DNAH14: variants seen among roughly 807,000 people sequenced by gnomAD.
The protein encoded by DNAH14 is dynein axonemal heavy chain 14.
A neutral mutation model predicts 520.9 loss-of-function variants in DNAH14; 478 were observed. The ratio of observed to expected loss-of-function variants is 0.92; its 90% CI spans 0.85 to 0.99. The LOEUF is 0.99. Ranked by LOEUF, DNAH14 falls within the 50% of genes least tolerant of loss-of-function variation. The probability of loss-of-function intolerance (pLI) is 0.00; values close to 1 mark genes in which losing one functional copy is unlikely to be tolerated. For missense variants in DNAH14, 4,831 were observed against 5,234.5 expected (o/e 0.92, Z 2.38); for synonymous variants, 1,581 against 1,757.2 (o/e 0.90, Z 2.51).
intron 8 of DNAH14, among the ~76,000 whole-genome samples, chr1:224,975,393 A>G (rs1011093792): frequency 6.6e-6 from 1 of 151,884 alleles, no homozygotes; most frequent in Non-Finnish European, 1.5e-5. Context: ...GATTATTGCC[A>G]CAATTTCAGA....
intron 10 of DNAH14, among the ~76,000 whole-genome samples, chr1:225,011,433 G>A (rs1318426362): frequency 6.6e-6 from 1 of 152,002 alleles, no homozygotes; most frequent in Non-Finnish European, 1.5e-5. Context: ...GTGGAGTGTT[G>A]TGTAGATGTC....
chr1:225,200,607 T>C (rs979535203), intron 38 of DNAH14, among the ~76,000 whole-genome samples: 1 of 152,150 alleles, frequency 6.6e-6, no homozygotes, highest in African/African-American at 2.4e-5. Context: ...CTGTCCTTCA[T>C]TTATGAAGCT....
chr1:225,347,991 G>C (rs549095028), intron 71 of DNAH14, among the ~76,000 whole-genome samples: 2 of 152,080 alleles, frequency 1.3e-5, no homozygotes, highest in African/African-American at 4.8e-5. Flanking sequence ...GTTAAATGAT[G>C]CATGAACAAA....
rs1161717419 is a variant in DNAH14, at chr1:225,318,531, T to C, written c.9241-52T>C. ...AAGTTCAGCATACAAAAATTTTAAATATGCAACTATATTGATTCATATGTG... is the reference window on the plus strand; with the variant it reads ...AAGTTCAGCATACAAAAATTTTAAACATGCAACTATATTGATTCATATGTG... On this transcript the variant is annotated intron_variant, in intron 60 of 85. Coordinates refer to ENST00000682510, the MANE Select transcript of DNAH14 (RefSeq NM_001367479.1). 2.1e-6 allele frequency: 3 copies of C among 1,446,464 alleles called. No individual in the cohort carries two copies. In the East Asian group the frequency reaches 7.5e-5, roughly 36 times the overall value. 89.6% of individuals were successfully genotyped at this position (1,446,464 alleles called of 1,614,324 possible). A position where few individuals can be genotyped will look rare whatever the true frequency, so the allele number is the denominator to read the frequency against.
chr1:225,159,281 G>A (rs567681713), intron 34 of DNAH14, 33 bp from the exon 35 acceptor site: 1 of 1,529,992 alleles, frequency 6.5e-7, no homozygotes, highest in African/African-American at 1.4e-5. Flanking sequence ...TCCCTAATTT[G>A]TTCTCTGTGT....
At chr1:225,157,986 G>A (rs1404106313) in intron 34 of DNAH14, among the ~76,000 whole-genome samples, 1 of 152,138 alleles carries the variant, frequency 6.6e-6, no homozygotes, top group East Asian at 1.9e-4. Context: ...GCAGTTTAAG[G>A]TGACTATATA....
At chr1:225,067,723 T>C (rs906630807) in intron 17 of DNAH14, among the ~76,000 whole-genome samples, 1 of 152,136 alleles carries the variant, frequency 6.6e-6, no homozygotes. Flanking sequence ...ATCAGTGATG[T>C]TGAGCTTTTT....
intron 17 of DNAH14, among the ~76,000 whole-genome samples, chr1:225,078,897 T>TCC (rs1403935266): frequency 1.3e-4 from 17 of 135,992 alleles, no homozygotes; most frequent in African/African-American, 4.5e-4. Flanking sequence ...TCTCTCTCTC[T>TCC]CCCCGCTTTT....
chr1:225,043,903 C>G lies in DNAH14; in HGVS notation c.1832C>G (p.Thr611Arg). ...YMYYEFPEFP[T>R]NLFIDPNRLE... ...TCTGTTAGATTTCCAGAATTTCCTA[C>G]AAATCTCTTTATAGATCCCAACAGA... is the stretch of plus-strand genomic sequence containing the variant. The change falls in exon 15 of 86, where the codon ACA becomes AGA. Residue 611 changes from threonine to arginine, a missense_variant. Coordinates refer to ENST00000682510, the MANE Select transcript of DNAH14 (RefSeq NM_001367479.1). 1 of 1,527,094 alleles carries G rather than the reference C, an allele frequency of 6.5e-7. No individual in the cohort carries two copies. Among genetic ancestry groups the G allele is most frequent in the Non-Finnish European group, 8.9e-7 (1 of 1,129,438 alleles). The allele number at this position is 1,527,094 out of a possible 1,614,324, so 94.6% of individuals were successfully genotyped here. A position where few individuals can be genotyped will look rare whatever the true frequency, so the allele number is the denominator to read the frequency against.
chr1:225,248,239 A>C (rs1423289292), intron 43 of DNAH14, among the ~76,000 whole-genome samples: 1 of 152,208 alleles, frequency 6.6e-6, no homozygotes, highest in Non-Finnish European at 1.5e-5. Flanking sequence ...GATGTACTTC[A>C]GCAAGAAGAC....
intron 71 of DNAH14, among the ~76,000 whole-genome samples, chr1:225,350,914 AG>A (rs1047000232): frequency 1.3e-5 from 2 of 152,208 alleles, no homozygotes; most frequent in Non-Finnish European, 2.9e-5. Context: ...CTGATACTAA[AG>A]CCAGACAAAG....
intron 71 of DNAH14, among the ~76,000 whole-genome samples, chr1:225,349,288 A>C (rs1016894880): frequency 7.2e-5 from 11 of 152,208 alleles, no homozygotes; most frequent in African/African-American, 2.7e-4. Flanking sequence ...TAGTAACCAC[A>C]AAGAAAATAT....
intron 36 of DNAH14, 105 bp downstream of exon 36, chr1:225,168,133 T>A: frequency 1.5e-6 from 1 of 666,390 alleles, no homozygotes. Context: ...ACAGGTATAA[T>A]TTTTTTTAAT....
intron 54 of DNAH14, among the ~76,000 whole-genome samples, chr1:225,286,766 A>G (rs1016311900): frequency 1.3e-5 from 2 of 152,202 alleles, no homozygotes; most frequent in African/African-American, 4.8e-5. Flanking sequence ...CCACATAAAA[A>G]CCTGCACAGG....
chr1:224,963,551 T>C (rs2060973284), intron 4 of DNAH14, among the ~76,000 whole-genome samples: 1 of 152,186 alleles, frequency 6.6e-6, no homozygotes, highest in Admixed American at 6.6e-5. Context: ...TTAGATTGGC[T>C]TATATACATA....
chr1:224,936,017 A>G (rs750133648), intron 1 of DNAH14, among the ~76,000 whole-genome samples: 49 of 151,894 alleles, frequency 3.2e-4, no homozygotes, highest in Admixed American at 2.1e-3. Context: ...TTTGAAACAA[A>G]TGAAAATGGA....
At chr1:225,008,456 A>G (rs930359846) in intron 10 of DNAH14, among the ~76,000 whole-genome samples, 4 of 152,022 alleles carry the variant, frequency 2.6e-5, no homozygotes, top group African/African-American at 7.2e-5. Context: ...GGGATTGTTG[A>G]GTCAAATGGT....
chr1:224,933,053 A>G (rs1012391381), intron 1 of DNAH14, among the ~76,000 whole-genome samples: 2 of 152,080 alleles, frequency 1.3e-5, no homozygotes, highest in African/African-American at 4.8e-5. Flanking sequence ...AATTCTTCCT[A>G]TCCATGAGCA....
intron 8 of DNAH14, among the ~76,000 whole-genome samples, chr1:224,999,678 T>G (rs1013001825): frequency 1.3e-5 from 2 of 152,156 alleles, no homozygotes; most frequent in Non-Finnish European, 2.9e-5. Flanking sequence ...GCCTTGAACA[T>G]TTTTAAGAAT....
Sources: gnomAD v4.1 joint callset for allele counts (sites outside exome capture counted in the v4.1 genomes callset) on GRCh38, gnomAD v4.1.1 for gene constraint, MANE v1.5 for transcripts, NCBI Gene and HGNC (gene_info 2026-07-23, HGNC 2026-07-21) for gene names.